Variants in IDI1 observed in about 807,000 individuals in gnomAD.
IDI1 encodes the protein isopentenyl-diphosphate Delta-isomerase 1.
Under a neutral mutation model 32.9 loss-of-function variants are expected in IDI1, and 23 were observed. The ratio of observed to expected loss-of-function variants is 0.70; its 90% CI spans 0.50 to 0.99. IDI1 has a LOEUF of 0.99. IDI1 is among the 50% of genes least tolerant of loss of function. The pLI, the probability that IDI1 is intolerant of heterozygous loss-of-function variation, is 0.00. For missense variants in IDI1, 326 were observed against 351.9 expected (o/e 0.93, Z 0.59); for synonymous variants, 133 against 128.2 (o/e 1.04, Z -0.25).
Position 1,049,113 on chromosome 10 carries a change from G to C in IDI1, c.-110C>G, listed in dbSNP as rs1036082886. 1 of 1,400,382 alleles carries C rather than the reference G, an allele frequency of 7.1e-7. No individual in the cohort carries two copies. Among genetic ancestry groups the C allele is most frequent in the African/African-American group, 1.5e-5 (1 of 65,516 alleles). The allele number at this position is 1,400,382 out of a possible 1,614,324, so 86.7% of individuals were successfully genotyped here. A position where few individuals can be genotyped will look rare whatever the true frequency, so the allele number is the denominator to read the frequency against. ...CAACGGCAGACGCGCGAAGCACCGG[G>C]AACCTGAGCCGTGACCGCGGGCTCT... is the stretch of plus-strand genomic sequence containing the variant. On this transcript the variant is annotated 5_prime_UTR_variant, in exon 1 of 5. Transcript: ENST00000381344.
upstream of IDI1, chr10:1,049,263 C>A (rs1310733514): frequency 1.8e-6 from 1 of 543,524 alleles, no homozygotes; most frequent in South Asian, 2.6e-5. Flanking sequence ...CCGTGCGAGC[C>A]CGAGGCGCTG....
In IDI1 at chr10:1,042,752, C is replaced by T. The variant is rs118002486; in HGVS notation, c.417G>A (p.Thr139=). Residue 139 remains threonine, a synonymous_variant, in exon 4 of 5, where the codon ACG becomes ACA. Transcript: ENST00000381344. The part of the protein sequence containing the change: ...DAKITFPGCF[T]NTCCSHPLSN... ...TTAATGGATGACTACAACACGTATT[C>T]GTAAAACAACCTGGAAAATGGTAAT... 9.3e-3 allele frequency: 14,999 copies of T among 1,613,348 alleles called. 132 individuals are homozygous for T. Among genetic ancestry groups the T allele is most frequent in the Middle Eastern group, 0.023 (136 of 6,006 alleles).
At chr10:1,048,453 G>T (rs1188484906) in intron 1 of IDI1, 5 of 1,269,558 alleles carry the variant, frequency 3.9e-6, no homozygotes, top group Non-Finnish European at 5.1e-6. Context: ...GGGGAGGCCG[G>T]TGTCGTCACG....
At chr10:1,049,396 C>G, upstream of IDI1, 1 of 216,254 alleles carries the variant, frequency 4.6e-6, no homozygotes, top group South Asian at 6.5e-5. Flanking sequence ...GGAGCGACCT[C>G]CGCATGGCTG....
upstream of IDI1, among the ~76,000 whole-genome samples, chr10:1,052,148 G>C (rs1833030274): frequency 6.6e-6 from 1 of 152,188 alleles, no homozygotes; most frequent in African/African-American, 2.4e-5. Context: ...TGGGATTATA[G>C]GCATGAGCCA....
chr10:1,050,961 A>G (rs1832995011), upstream of IDI1, among the ~76,000 whole-genome samples: 1 of 152,230 alleles, frequency 6.6e-6, no homozygotes, highest in African/African-American at 2.4e-5. Context: ...TATCTTGGTT[A>G]TTCTTTTTCG....
In IDI1 at chr10:1,040,287, A is replaced by G. The variant is rs951613606; in HGVS notation, c.*900T>C. 4 of 152,060 alleles carry G rather than the reference A, an allele frequency of 2.6e-5. No homozygotes were observed. The highest frequency in any genetic ancestry group is 9.7e-5 in the African/African-American group (4 of 41,376). The allele number at this position is 152,060 out of a possible 1,614,324, so 9.4% of individuals were successfully genotyped here. On this transcript the variant is annotated 3_prime_UTR_variant, in exon 5 of 5. Transcript: ENST00000381344. ...GACAGTGGTCCTCAGTTGGGGGTTG[A>G]CTCTGTCCCCTAGGGGCATCTGGCA...
Position 1,042,624 on chromosome 10 carries a change from C to T in IDI1, c.537+8G>A, listed in dbSNP as rs751862795. The T allele has an allele frequency of 4.3e-6, 7 of 1,613,508 alleles. No homozygotes were observed. The African/African-American group carries it at 6.7e-5, about 15-fold the overall frequency. ...CAGCTTGTATGGTTGTGTAGGAGAGCTGGTTACCTCTTCCAAGGGAATTCC... is the reference window on the plus strand; with the variant it reads ...CAGCTTGTATGGTTGTGTAGGAGAGTTGGTTACCTCTTCCAAGGGAATTCC... On this transcript the variant is annotated splice_region_variant and intron_variant, in intron 4 of 4. Transcript: ENST00000381344.
At chr10:1,054,403 A>C in the IDI1 span, among the ~76,000 whole-genome samples, 1 of 152,226 alleles carries the variant, frequency 6.6e-6, no homozygotes, top group African/African-American at 2.4e-5. Flanking sequence ...CAGTTAAAAT[A>C]ATCAGTAATG....
chr10:1,052,161 G>A (rs1334573187), upstream of IDI1, among the ~76,000 whole-genome samples: 5 of 152,122 alleles, frequency 3.3e-5, no homozygotes, highest in African/African-American at 4.8e-5. Context: ...ATGAGCCACC[G>A]CACCCGGCCA....
At position 1,048,982 on chromosome 10, in the gene IDI1, C is replaced by A; in HGVS notation, c.22G>T (p.Ala8Ser). 1 of 1,530,126 alleles carries A rather than the reference C, an allele frequency of 6.5e-7. No homozygotes were observed. The highest frequency in any genetic ancestry group is 1.4e-5 in the African/African-American group (1 of 71,050). 94.8% of individuals were successfully genotyped at this position (1,530,126 alleles called of 1,614,324 possible). A position where few individuals can be genotyped will look rare whatever the true frequency, so the allele number is the denominator to read the frequency against. The change falls in exon 1 of 5, where the codon GCG becomes TCG. Residue 8 changes from alanine (A) to serine (S), a missense_variant. Physicochemically the swap from Ala to Ser is moderately conservative, Grantham distance 99. Around this residue, in one of 2 missense-constraint regions of IDI1, gnomAD observed 121 missense variants for 78.4 expected, o/e 1.54. Coordinates refer to ENST00000381344, the MANE Select transcript of IDI1 (RefSeq NM_004508.4). ...CGGGCCGCGCAGCCAATCGCTCGCG[C>A]CAGCGCCAGTCCACGCCACATCGCC... Reference protein sequence around the residue: MWRGLALARAIGCAARGR... With the variant: MWRGLALSRAIGCAARGR...
upstream of IDI1, among the ~76,000 whole-genome samples, chr10:1,050,115 A>T (rs540618775): frequency 1.3e-5 from 2 of 152,176 alleles, no homozygotes; most frequent in Non-Finnish European, 2.9e-5. Context: ...CTCTCTTAAA[A>T]TGTACTGAGG....
At chr10:1,048,076 CAG>C (rs1832852077) in intron 1 of IDI1, among the ~76,000 whole-genome samples, 1 of 152,094 alleles carries the variant, frequency 6.6e-6, no homozygotes, top group African/African-American at 2.4e-5. Flanking sequence ...AGCTGGAGTG[CAG>C]TGGCGCGATC....
At chr10:1,052,525 A>G (rs1833040742), upstream of IDI1, among the ~76,000 whole-genome samples, 1 of 152,342 alleles carries the variant, frequency 6.6e-6, no homozygotes, top group South Asian at 2.1e-4. Context: ...ATCTCCTTGT[A>G]TATCTCCATC....
chr10:1,056,431 C>CA, the IDI1 span: 2 of 152,174 alleles, frequency 1.3e-5, no homozygotes, highest in Non-Finnish European at 2.9e-5. Flanking sequence ...GCCAGGCTCC[C>CA]GCGCGGCCGG....
rs147099136 is a variant in IDI1 at position 1,041,290 on chromosome 10, G to A, written c.752C>T (p.Thr251Met). The A allele has an allele frequency of 3.7e-6, 6 of 1,612,916 alleles. No homozygotes were observed. Among genetic ancestry groups the A allele is most frequent in the Non-Finnish European group, 5.1e-6 (6 of 1,179,018 alleles). The change falls in exon 5 of 5, where the codon ACG becomes ATG. Residue 251 changes from threonine (T) to methionine (M), a missense_variant. Thr to Met is a moderately conservative substitution (Grantham distance 81). Transcript: ENST00000381344. ...CGCTGCAATAATTTTAAACCATGGC[G>A]TTATCTTAATTTCACCACTGGCTGC... ...KKAASGEIKI[T>M]PWFKIIAATF...
rs754496773 is a variant in IDI1, at chr10:1,040,214, TTTG to T, written c.*970_*972del. 25 of 152,110 alleles carry T rather than the reference TTTG, an allele frequency of 1.6e-4. No homozygotes were observed. The highest frequency in any genetic ancestry group is 1.3e-3 in the East Asian group (7 of 5,186). 9.4% of individuals were successfully genotyped at this position (152,110 alleles called of 1,614,324 possible). A position where few individuals can be genotyped will look rare whatever the true frequency, so the allele number is the denominator to read the frequency against. On this transcript the variant is annotated 3_prime_UTR_variant, in exon 5 of 5. Coordinates refer to ENST00000381344, the MANE Select transcript of IDI1 (RefSeq NM_004508.4). Reference sequence around the variant, plus strand: ...CATCTATTTAACATTAACACAGGCCTTTGTTGTTGTTATTTTTTTCTCCCTACA... The same window carrying T: ...CATCTATTTAACATTAACACAGGCCTTTGTTGTTATTTTTTTCTCCCTACA...
chr10:1,049,154 G>A (rs1014156988), upstream of IDI1: 1 of 1,277,166 alleles, frequency 7.8e-7, no homozygotes, highest in Non-Finnish European at 1.0e-6. Flanking sequence ...CTTTAAGGGG[G>A]TCAACACGCC....
rs1832524309 is a variant in IDI1 at position 1,040,365 on chromosome 10, G to A, written c.*822C>T. Reference sequence around the variant, plus strand: ...TGAGAGGGACGCTGCTCACCATCCTGCAATGCACAGCACAGACCCCACCAC... The same window carrying A: ...TGAGAGGGACGCTGCTCACCATCCTACAATGCACAGCACAGACCCCACCAC... On this transcript the variant is annotated 3_prime_UTR_variant, in exon 5 of 5. Transcript: ENST00000381344. The A allele has an allele frequency of 6.6e-6, 1 of 152,204 alleles. No homozygotes were observed. The highest frequency in any genetic ancestry group is 2.4e-5 in the African/African-American group (1 of 41,434). The allele number at this position is 152,204 out of a possible 1,614,324, so 9.4% of individuals were successfully genotyped here. A position where few individuals can be genotyped will look rare whatever the true frequency, so the allele number is the denominator to read the frequency against.
Sources: gnomAD v4.1 joint callset for allele counts (sites outside exome capture counted in the v4.1 genomes callset) on GRCh38, gnomAD v4.1.1 for gene constraint, gnomAD v4.1.1 regional missense constraint, MANE v1.5 for transcripts, NCBI Gene and HGNC (gene_info 2026-07-23, HGNC 2026-07-21) for gene names.